The following FAT1 variants were observed in gnomAD, a reference collection of about 807,000 sequenced individuals.
The protein encoded by FAT1 is FAT atypical cadherin 1.
In FAT1, 171 loss-of-function variants were observed where a neutral mutation model predicts 329.8. The ratio of observed to expected loss-of-function variants is 0.52; its 90% confidence interval spans 0.46 to 0.59. FAT1 has a LOEUF of 0.59. Among genes scored for constraint, FAT1 ranks in the 20% least tolerant of loss-of-function variants. The pLI is 0.00. For synonymous variants in FAT1, 2,233 were observed against 2,228.6 expected (o/e 1.00, Z -0.06); for missense variants, 5,672 against 5,774.4 (o/e 0.98, Z 0.57).
At chr4:186,605,552 A>AGAGAAGGAGGAGGAC (rs1739085690) in intron 17 of FAT1, among the ~76,000 whole-genome samples, 1 of 89,806 alleles carries the variant, frequency 1.1e-5, no homozygotes, top group Admixed American at 1.5e-4. Flanking sequence ...AGGAGGAGGA[A>AGAGAAGGAGGAGGAC]TGGAGAAGAG....
chr4:186,713,238 T>C (rs551824006), intron 1 of FAT1, among the ~76,000 whole-genome samples: 6 of 152,252 alleles, frequency 3.9e-5, no homozygotes, highest in Non-Finnish European at 7.4e-5. Flanking sequence ...CTAAGGCTCC[T>C]CTGGAATGTA....
At chr4:186,647,393 C>A (rs558716130) in intron 3 of FAT1, among the ~76,000 whole-genome samples, 1 of 152,284 alleles carries the variant, frequency 6.6e-6, no homozygotes, top group South Asian at 2.1e-4. Context: ...AAAATCATTG[C>A]CAGCTAAATG....
chr4:186,629,155 C>T (rs1385398557), intron 7 of FAT1, among the ~76,000 whole-genome samples: 1 of 152,140 alleles, frequency 6.6e-6, no homozygotes, highest in Non-Finnish European at 1.5e-5. Flanking sequence ...AGATTTGTAT[C>T]TGCAACTACC....
At position 186,693,617 on chromosome 4, in the gene FAT1, G is replaced by A. The variant is rs749722367; in HGVS notation, c.3265+12946C>T. ...CAACTGATCAAACATGAGTCAGCCC[G>A]TGGAAAACAGCCAAGGAAACACCCA... On this transcript the variant is annotated intron_variant, in intron 2 of 26. Coordinates refer to ENST00000441802, the MANE Select transcript of FAT1 (RefSeq NM_005245.4). Among the ~76,000 whole-genome samples, 6 of 148,654 alleles carry A rather than the reference G, an allele frequency of 4.0e-5. 2 individuals are homozygous for A. Among genetic ancestry groups the A allele is most frequent in the Admixed American group, 1.3e-4 (2 of 15,002 alleles).
chr4:186,655,645 C>G (rs1741868483), intron 3 of FAT1, among the ~76,000 whole-genome samples: 1 of 152,082 alleles, frequency 6.6e-6, no homozygotes, highest in Admixed American at 6.5e-5. Flanking sequence ...GTTGGCCAAG[C>G]TGGTCTCGAA....
intron 3 of FAT1, among the ~76,000 whole-genome samples, chr4:186,653,188 A>C (rs1238466336): frequency 5.9e-5 from 9 of 152,170 alleles, no homozygotes; most frequent in African/African-American, 2.2e-4. Context: ...GTTTGAGCTG[A>C]AATTGGGAGC....
intron 1 of FAT1, among the ~76,000 whole-genome samples, chr4:186,719,721 C>T (rs939214069): frequency 3.3e-5 from 5 of 152,358 alleles, no homozygotes; most frequent in African/African-American, 1.2e-4. Flanking sequence ...AAAATCTTTA[C>T]AGCCTCCTGG....
chr4:186,684,357 G>T (rs1253511276), intron 2 of FAT1, among the ~76,000 whole-genome samples: 2 of 152,164 alleles, frequency 1.3e-5, no homozygotes, highest in African/African-American at 4.8e-5. Flanking sequence ...GCTGGACCCT[G>T]GGAAGGGGAT....
chr4:186,662,938 G>A (rs556139552), intron 3 of FAT1, among the ~76,000 whole-genome samples: 44 of 151,992 alleles, frequency 2.9e-4, no homozygotes, highest in African/African-American at 9.9e-4. Flanking sequence ...CCGGGTTCAC[G>A]CCATTCTCCT....
At chr4:186,659,361 C>T (rs989242671) in intron 3 of FAT1, among the ~76,000 whole-genome samples, 3 of 152,206 alleles carry the variant, frequency 2.0e-5, no homozygotes, top group Non-Finnish European at 4.4e-5. Context: ...ATGATGATAA[C>T]TGTAGGTATT....
At chr4:186,634,409 T>C (rs1018449104) in intron 6 of FAT1, among the ~76,000 whole-genome samples, 1 of 152,202 alleles carries the variant, frequency 6.6e-6, no homozygotes, top group South Asian at 2.1e-4. Flanking sequence ...TAAAACTCTC[T>C]TTTCAAATCC....
intron 2 of FAT1, among the ~76,000 whole-genome samples, chr4:186,688,406 C>T (rs1207062155): frequency 6.6e-6 from 1 of 152,090 alleles, no homozygotes; most frequent in Non-Finnish European, 1.5e-5. Context: ...GATTCCTGTT[C>T]ATAAGGTAAT....
At chr4:186,693,122 T>C (rs1249945679) in intron 2 of FAT1, among the ~76,000 whole-genome samples, 4 of 152,242 alleles carry the variant, frequency 2.6e-5, no homozygotes, top group African/African-American at 7.2e-5. Flanking sequence ...TATACTGTAA[T>C]GCCATTACAT....
In FAT1 at chr4:186,594,448, G is replaced by A. The variant is rs202091687; in HGVS notation, c.13138+1241C>T. Among the ~76,000 whole-genome samples the A allele has an allele frequency of 2.9e-4, 44 of 151,794 alleles. No homozygotes were observed. The East Asian group carries it at 7.8e-3, about 27-fold the overall frequency. The stretch of plus-strand genomic sequence containing the variant: ...TAAAATTCTGAAATGTATTTATAAA[G>A]AGCATTTAGGGGCCAAGATATAAAT... On this transcript the variant is annotated intron_variant, in intron 26 of 26. Transcript: ENST00000441802.
intron 2 of FAT1, among the ~76,000 whole-genome samples, chr4:186,668,350 T>C (rs1383822932): frequency 2.0e-5 from 3 of 152,058 alleles, no homozygotes; most frequent in Non-Finnish European, 2.9e-5. Context: ...GTCTAGATAA[T>C]GTGCAAAGAA....
chr4:186,623,661 T>G (rs983109675), intron 9 of FAT1, among the ~76,000 whole-genome samples: 1 of 152,278 alleles, frequency 6.6e-6, no homozygotes, highest in East Asian at 1.9e-4. Flanking sequence ...TCTGCAAAAC[T>G]TGCTCCCTGC....
chr4:186,694,582 T>G (rs1332095826), intron 2 of FAT1, among the ~76,000 whole-genome samples: 1 of 152,178 alleles, frequency 6.6e-6, no homozygotes, highest in African/African-American at 2.4e-5. Flanking sequence ...CTAACTAAAT[T>G]TCCCCCCATT....
chr4:186,599,173 T>C (rs1335198753), intron 22 of FAT1, among the ~76,000 whole-genome samples: 1 of 152,208 alleles, frequency 6.6e-6, no homozygotes, highest in South Asian at 2.1e-4. Context: ...AATGAGAGTG[T>C]TTCTGTGGGG....
intron 2 of FAT1, among the ~76,000 whole-genome samples, chr4:186,686,849 T>A (rs1743493377): frequency 6.6e-6 from 1 of 152,206 alleles, no homozygotes; most frequent in African/African-American, 2.4e-5. Flanking sequence ...CTCATAGGGA[T>A]ACTTGGGAAG....
Sources: allele counts gnomAD v4.1 joint callset (sites outside exome capture counted in the v4.1 genomes callset), GRCh38; gene constraint gnomAD v4.1.1; transcripts MANE v1.5; gene names NCBI Gene and HGNC (gene_info 2026-07-23, HGNC 2026-07-21).